Variants in LRP1B observed in about 807,000 individuals in gnomAD.
LRP1B encodes low-density lipoprotein receptor-related protein 1B.
LRP1B carries 217 observed loss-of-function variants against 556.6 expected under a neutral mutation model. That is an observed-to-expected ratio of 0.39 (90% CI 0.35 to 0.44). LRP1B has a LOEUF of 0.44. LRP1B is among the 20% of genes least tolerant of loss of function. The probability of loss-of-function intolerance (pLI) is 1.00; values close to 1 mark genes in which losing one functional copy is unlikely to be tolerated. For missense variants in LRP1B, 5,053 were observed against 5,620.8 expected, an observed-to-expected ratio of 0.90 and a Z score of 3.23; for synonymous variants, 2,047 against 1,865.8, an observed-to-expected ratio of 1.10 and a Z score of -2.50.
intron 7 of LRP1B, among the ~76,000 whole-genome samples, chr2:141,121,082 C>T (rs1003543899): frequency 4.6e-5 from 7 of 152,098 alleles, no homozygotes; most frequent in Middle Eastern, 3.4e-3. Flanking sequence ...CAAATCTAAG[C>T]GGTGCATTTA....
In LRP1B at chr2:141,876,902, C is replaced by G. The variant is rs145773208; in HGVS notation, c.83-66501G>C. On this transcript the variant is annotated intron_variant, in intron 1 of 90. Coordinates refer to ENST00000389484, the MANE Select transcript of LRP1B (RefSeq NM_018557.3). ...AGTACTTTATCAACTACAGGTTCTA[C>G]CATAGACTTTGGCATTGAATCAATC... Among the ~76,000 whole-genome samples the G allele has an allele frequency of 5.2e-4, 79 of 151,930 alleles. No homozygotes were observed. The East Asian group carries it at 0.014, about 27-fold the overall frequency.
intron 1 of LRP1B, among the ~76,000 whole-genome samples, chr2:142,084,680 C>A (rs1195606181): frequency 2.6e-5 from 4 of 152,152 alleles, no homozygotes; most frequent in African/African-American, 7.2e-5. Flanking sequence ...CCAATAACAT[C>A]TCCGTCCTTA....
intron 2 of LRP1B, among the ~76,000 whole-genome samples, chr2:141,623,016 C>T (rs557297578): frequency 1.9e-4 from 29 of 152,276 alleles, no homozygotes; most frequent in African/African-American, 7.0e-4. Flanking sequence ...TATGGTTCAG[C>T]ATGACATCAA....
chr2:140,806,257 A>G (rs1263853320), intron 32 of LRP1B, among the ~76,000 whole-genome samples: 1 of 152,132 alleles, frequency 6.6e-6, no homozygotes, highest in Non-Finnish European at 1.5e-5. Flanking sequence ...AATTTGCTAT[A>G]GCAGCCCAAG....
chr2:140,985,158 C>G (rs1487161636), intron 17 of LRP1B, among the ~76,000 whole-genome samples: 2 of 151,866 alleles, frequency 1.3e-5, no homozygotes, highest in African/African-American at 2.4e-5. Context: ...CTCCTATAGC[C>G]ATGTAACAGT....
intron 3 of LRP1B, among the ~76,000 whole-genome samples, chr2:141,406,778 A>G (rs930045473): frequency 1.3e-5 from 2 of 152,112 alleles, no homozygotes; most frequent in African/African-American, 4.8e-5. Flanking sequence ...ACCATATTTT[A>G]GGGGTGACTT....
Position 141,028,706 on chromosome 2 carries a change from C to A in LRP1B, c.1790-8604G>T, listed in dbSNP as rs79079356. Among the ~76,000 whole-genome samples, 602 of 152,074 alleles carry A rather than the reference C, an allele frequency of 4.0e-3. 2 individuals are homozygous for A. Among genetic ancestry groups the A allele is most frequent in the African/African-American group, 0.013 (549 of 41,502 alleles). On this transcript the variant is annotated intron_variant, in intron 11 of 90. Coordinates refer to ENST00000389484, the MANE Select transcript of LRP1B (RefSeq NM_018557.3). ...TTAATGATTCTTAGATCTTTTTAAT[C>A]AGTTTAATTACTGTTTTTAAAGTAA...
intron 25 of LRP1B, among the ~76,000 whole-genome samples, chr2:140,871,834 C>A (rs751786535): frequency 1.6e-4 from 25 of 152,118 alleles, no homozygotes; most frequent in Non-Finnish European, 2.9e-4. Flanking sequence ...CTATATCAAG[C>A]CTTTTCTTGT....
chr2:141,221,298 A>C (rs867391493), intron 6 of LRP1B, among the ~76,000 whole-genome samples: 2,242 of 151,834 alleles, frequency 0.015, 37 homozygotes, highest in Middle Eastern at 0.034. Context: ...TAAAAAAAAA[A>C]AAAAAAAAAA....
At chr2:141,918,862 A>G (rs1700107327) in intron 1 of LRP1B, among the ~76,000 whole-genome samples, 1 of 152,066 alleles carries the variant, frequency 6.6e-6, no homozygotes, top group Non-Finnish European at 1.5e-5. Context: ...CTGTTCTTTC[A>G]AGAAGTGGTT....
intron 2 of LRP1B, among the ~76,000 whole-genome samples, chr2:141,570,929 A>G (rs1252779271): frequency 2.6e-5 from 4 of 151,112 alleles, no homozygotes; most frequent in Non-Finnish European, 4.5e-5. Flanking sequence ...CCCAAGGGGG[A>G]GGGGTGCCTG....
At chr2:141,893,692 C>A (rs1699357162) in intron 1 of LRP1B, among the ~76,000 whole-genome samples, 2 of 152,070 alleles carry the variant, frequency 1.3e-5, no homozygotes. Flanking sequence ...GGACAAAAAT[C>A]TTTTTGAGAT....
chr2:141,690,183 A>G (rs2105443997), intron 2 of LRP1B, among the ~76,000 whole-genome samples: 1 of 151,464 alleles, frequency 6.6e-6, no homozygotes, highest in Non-Finnish European at 1.5e-5. Context: ...TTTTTCAGTC[A>G]TCTTCATCTT....
At chr2:141,314,375 C>T (rs1178617476) in intron 3 of LRP1B, among the ~76,000 whole-genome samples, 2 of 152,138 alleles carry the variant, frequency 1.3e-5, no homozygotes, top group African/African-American at 2.4e-5. Flanking sequence ...AAATGAATTA[C>T]ATTTTGTTTA....
chr2:141,145,922 C>CTTTTT (rs70991144), intron 7 of LRP1B, among the ~76,000 whole-genome samples: 16 of 67,202 alleles, frequency 2.4e-4, no homozygotes, highest in Non-Finnish European at 2.9e-4. Context: ...TTCTTTCTTT[C>CTTTTT]TTTTTTTTTT....
intron 2 of LRP1B, among the ~76,000 whole-genome samples, chr2:141,764,201 G>C (rs1471715171): frequency 6.6e-6 from 1 of 151,494 alleles, no homozygotes; most frequent in Non-Finnish European, 1.5e-5. Context: ...TTTTTTTTGA[G>C]ACAGAGTTTT....
In LRP1B at chr2:140,847,074, G is replaced by T. The variant is rs139080711; in HGVS notation, c.4939+3028C>A. Among the ~76,000 whole-genome samples the T allele has an allele frequency of 5.8e-4, 89 of 152,240 alleles. 1 individual carries two copies. In the East Asian group the frequency reaches 0.017, roughly 29 times the overall value. ...AAGTTCCTTTATGTTCTTACTCTTT[G>T]ATATCTCTATAATTTGTGCATGTTC... On this transcript the variant is annotated intron_variant, in intron 29 of 90. Coordinates refer to ENST00000389484, the MANE Select transcript of LRP1B (RefSeq NM_018557.3).
intron 41 of LRP1B, among the ~76,000 whole-genome samples, chr2:140,679,920 TTTTA>T (rs1324155843): frequency 4.6e-5 from 7 of 151,926 alleles, no homozygotes; most frequent in African/African-American, 1.4e-4. Flanking sequence ...TTTATTTACT[TTTTA>T]TTTAATTTAC....
intron 1 of LRP1B, among the ~76,000 whole-genome samples, chr2:141,933,644 T>C (rs1174405765): frequency 6.6e-6 from 1 of 152,052 alleles, no homozygotes; most frequent in South Asian, 2.1e-4. Flanking sequence ...GGCTACAGAG[T>C]TTTTAGCTTG....
Sources: allele counts gnomAD v4.1 joint callset (sites outside exome capture counted in the v4.1 genomes callset), GRCh38; gene constraint gnomAD v4.1.1; transcripts MANE v1.5; gene names NCBI Gene and HGNC (gene_info 2026-07-23, HGNC 2026-07-21).